CDH22: variants seen among roughly 807,000 people sequenced by gnomAD.
CDH22 encodes the protein cadherin 22, also known as cadherin-22.
CDH22 carries 30 observed loss-of-function variants against 58.4 expected under a neutral mutation model. The ratio of observed to expected loss-of-function variants is 0.51; its 90% CI spans 0.38 to 0.70. CDH22 has a LOEUF of 0.70. Ranked by LOEUF, CDH22 falls within the 30% of genes least tolerant of loss-of-function variation. CDH22 has a pLI of 0.00. For synonymous variants in CDH22, 513 were observed against 558.2 expected (o/e 0.92, Z 1.14); for missense variants, 1,014 against 1,233.9 (o/e 0.82, Z 2.67).
chr20:46,235,490 C>T (rs1389287441), intron 3 of CDH22, among the ~76,000 whole-genome samples: 2 of 152,184 alleles, frequency 1.3e-5, no homozygotes, highest in Admixed American at 6.5e-5. Flanking sequence ...TCCAACTGTC[C>T]CCTTGACATA....
Position 46,175,054 on chromosome 20 carries a change from G to A in CDH22, c.1939C>T (p.Leu647Phe). The A allele has an allele frequency of 1.2e-6, 2 of 1,608,946 alleles. No homozygotes were observed. Among genetic ancestry groups the A allele is most frequent in the East Asian group, 2.2e-5 (1 of 44,600 alleles). ...LVVLVLLILT[L>F]RRHHKSHLSS... ...AGGTGGCTCTTGTGGTGGCGCCTGA[G>A]GGTGAGGATCAGCAGCACCAGCACT... Residue 647 changes from leucine to phenylalanine, a missense_variant, in exon 12 of 12, where the codon CTC becomes TTC. Leu to Phe is a conservative substitution (Grantham distance 22). Coordinates refer to ENST00000537909, the MANE Select transcript of CDH22 (RefSeq NM_021248.3).
chr20:46,283,846 C>A (rs543313109), intron 1 of CDH22, among the ~76,000 whole-genome samples: 40 of 152,038 alleles, frequency 2.6e-4, no homozygotes, highest in African/African-American at 9.4e-4. Context: ...ACACACCACA[C>A]GCATACACAC....
chr20:46,277,633 G>A (rs893848117), intron 1 of CDH22, among the ~76,000 whole-genome samples: 2 of 152,042 alleles, frequency 1.3e-5, no homozygotes, highest in Non-Finnish European at 2.9e-5. Context: ...TGGGGTGGAG[G>A]AAATCAGAGG....
intron 11 of CDH22, among the ~76,000 whole-genome samples, chr20:46,175,457 A>G (rs2085731527): frequency 1.3e-5 from 2 of 152,122 alleles, no homozygotes; most frequent in South Asian, 4.1e-4. Context: ...CAGCTGAGAA[A>G]CAGAAGGAGC....
At chr20:46,271,067 G>GT (rs2086485755) in intron 1 of CDH22, among the ~76,000 whole-genome samples, 1 of 152,236 alleles carries the variant, frequency 6.6e-6, no homozygotes, top group South Asian at 2.1e-4. Context: ...ACAGGCAAGA[G>GT]TGGAGCAGTC....
chr20:46,196,748 C>G (rs1013814125), intron 8 of CDH22, among the ~76,000 whole-genome samples: 3 of 152,122 alleles, frequency 2.0e-5, no homozygotes, highest in Non-Finnish European at 4.4e-5. Context: ...ATGGACACCC[C>G]TTAGGGGTGA....
At chr20:46,221,430 A>G (rs1190705761) in intron 4 of CDH22, among the ~76,000 whole-genome samples, 1 of 152,082 alleles carries the variant, frequency 6.6e-6, no homozygotes, top group Non-Finnish European at 1.5e-5. Context: ...TGGCTCATTT[A>G]CATGTCTGGC....
At chr20:46,181,497 T>G (rs1033732816) in intron 10 of CDH22, among the ~76,000 whole-genome samples, 1 of 151,990 alleles carries the variant, frequency 6.6e-6, no homozygotes, top group Non-Finnish European at 1.5e-5. Flanking sequence ...ATAGCTACAA[T>G]GAGTCAAGAC....
intron 10 of CDH22, among the ~76,000 whole-genome samples, chr20:46,185,665 C>T (rs565807112): frequency 2.9e-4 from 44 of 151,450 alleles, no homozygotes; most frequent in African/African-American, 9.7e-4. Context: ...CCCAGGAGCT[C>T]GATACCAGCC....
At chr20:46,196,590 T>A (rs1041157644) in intron 8 of CDH22, among the ~76,000 whole-genome samples, 1 of 152,104 alleles carries the variant, frequency 6.6e-6, no homozygotes, top group Non-Finnish European at 1.5e-5. Flanking sequence ...AGCTCTTGAT[T>A]TTGTGCCAGC....
At chr20:46,230,157 C>T (rs1249541053) in intron 3 of CDH22, among the ~76,000 whole-genome samples, 2 of 152,072 alleles carry the variant, frequency 1.3e-5, no homozygotes, top group Non-Finnish European at 2.9e-5. Flanking sequence ...GGGTGCCAGG[C>T]TTGTAGCTAC....
chr20:46,299,350 G>T (rs1339848676), intron 1 of CDH22, among the ~76,000 whole-genome samples: 1 of 152,194 alleles, frequency 6.6e-6, no homozygotes, highest in Non-Finnish European at 1.5e-5. Flanking sequence ...CTCCCCCAGT[G>T]CCTTCGACCA....
chr20:46,212,848 T>C, intron 6 of CDH22, 147 bp downstream of exon 6: 2 of 645,944 alleles, frequency 3.1e-6, no homozygotes, highest in South Asian at 3.8e-5. Flanking sequence ...AATGATACCA[T>C]CAGTGTTTTT....
At chr20:46,248,642 G>A (rs2086348643) in intron 2 of CDH22, among the ~76,000 whole-genome samples, 1 of 152,144 alleles carries the variant, frequency 6.6e-6, no homozygotes, top group African/African-American at 2.4e-5. Context: ...GGCCAACATG[G>A]TGAAACCTCA....
intron 3 of CDH22, among the ~76,000 whole-genome samples, chr20:46,233,407 G>A (rs2086232648): frequency 6.6e-6 from 1 of 152,124 alleles, no homozygotes. Context: ...CATTTACCAG[G>A]CCCTCTGTTA....
chr20:46,210,286 G>A lies in CDH22; in HGVS notation c.1286+21C>T, dbSNP rs763126816. ...GGCGGGATAGCAGGCAGCAGGCGTC[G>A]GCCCCGGGCGGGGGTCTCACCGGAC... is the stretch of plus-strand genomic sequence containing the variant. On this transcript the variant is annotated intron_variant, in intron 7 of 11. Coordinates refer to ENST00000537909, the MANE Select transcript of CDH22 (RefSeq NM_021248.3). The surrounding 1 kb of genome is among the most constrained non-coding windows in gnomAD (Gnocchi z 4.5). The A allele has an allele frequency of 9.4e-6, 13 of 1,384,578 alleles. No homozygotes were observed. The highest frequency in any genetic ancestry group is 6.3e-5 in the South Asian group (4 of 63,312). The allele number at this position is 1,384,578 out of a possible 1,614,324, so 85.8% of individuals were successfully genotyped here.
intron 3 of CDH22, among the ~76,000 whole-genome samples, chr20:46,229,183 T>C (rs569027456): frequency 6.6e-6 from 1 of 152,232 alleles, no homozygotes; most frequent in Non-Finnish European, 1.5e-5. Context: ...AGGTGCCTCT[T>C]GCTGGACTGG....
chr20:46,259,729 G>A (rs529733141), intron 1 of CDH22, among the ~76,000 whole-genome samples: 1 of 152,300 alleles, frequency 6.6e-6, no homozygotes, highest in East Asian at 1.9e-4. Flanking sequence ...GATGAAGTAG[G>A]AAATTACTGG....
intron 4 of CDH22, among the ~76,000 whole-genome samples, chr20:46,222,101 C>T (rs1040176486): frequency 2.6e-5 from 4 of 152,212 alleles, no homozygotes; most frequent in African/African-American, 9.6e-5. Flanking sequence ...TGGAGACACC[C>T]ACCTGGTAGG....
Sources: allele counts gnomAD v4.1 joint callset (sites outside exome capture counted in the v4.1 genomes callset), GRCh38; gene constraint gnomAD v4.1.1; non-coding constraint Gnocchi (gnomAD v3.1); transcripts MANE v1.5; gene names NCBI Gene and HGNC (gene_info 2026-07-23, HGNC 2026-07-21).